GLIS3: variants seen among roughly 807,000 people sequenced by gnomAD.
The protein encoded by GLIS3 is zinc finger protein GLIS3.
GLIS3 carries 53 observed loss-of-function variants against 78.6 expected under a neutral mutation model. The observed-to-expected ratio is 0.67, with a 90% CI of 0.54 to 0.85. The LOEUF is 0.85. Ranked by LOEUF, GLIS3 falls within the 40% of genes least tolerant of loss-of-function variation. GLIS3 has a pLI of 0.00. For synonymous variants in GLIS3, 684 were observed against 509.9 expected (o/e 1.34, Z -4.60); for missense variants, 1,703 against 1,231.1 (o/e 1.38, Z -5.74).
chr9:4,337,124 T>G (rs965880050), intron 2 of GLIS3, among the ~76,000 whole-genome samples: 1 of 152,190 alleles, frequency 6.6e-6, no homozygotes, highest in African/African-American at 2.4e-5. Context: ...CACAAACAAA[T>G]TGGTACAACT....
At chr9:4,158,594 C>T (rs1437795350) in intron 2 of GLIS3, among the ~76,000 whole-genome samples, 3 of 152,200 alleles carry the variant, frequency 2.0e-5, no homozygotes, top group Non-Finnish European at 4.4e-5. Context: ...TTTCCTATAG[C>T]ACTTTGTTAA....
At chr9:4,156,838 C>T (rs1349073542) in intron 2 of GLIS3, among the ~76,000 whole-genome samples, 1 of 152,132 alleles carries the variant, frequency 6.6e-6, no homozygotes, top group Admixed American at 6.6e-5. Context: ...AAAAAATGCC[C>T]TCTCCCAGCT....
rs186699379 is a variant in GLIS3 at position 3,908,788 on chromosome 9, C to G, written c.1984-9953G>C. Among the ~76,000 whole-genome samples, 284 of 121,286 alleles carry G rather than the reference C, an allele frequency of 2.3e-3. 2 individuals are homozygous for G. The highest frequency in any genetic ancestry group is 8.9e-3 in the African/African-American group (276 of 31,148). The allele number at this position is 121,286 out of a possible 152,430, so 79.6% of individuals were successfully genotyped here. A position where few individuals can be genotyped will look rare whatever the true frequency, so the allele number is the denominator to read the frequency against. ...TGTAACAAGAGATGGAAATTTTACT[C>G]CCGTCATTTTCTCATTTCAGATATG... On this transcript the variant is annotated intron_variant, in intron 6 of 10. Coordinates refer to ENST00000381971, the MANE Select transcript of GLIS3 (RefSeq NM_001042413.2).
At chr9:4,055,657 G>C (rs1175401356) in intron 4 of GLIS3, among the ~76,000 whole-genome samples, 2 of 152,198 alleles carry the variant, frequency 1.3e-5, no homozygotes. Context: ...GAGGAAACGA[G>C]GAATGATGGT....
At chr9:4,209,620 A>G (rs1428553247) in intron 2 of GLIS3, among the ~76,000 whole-genome samples, 1 of 152,216 alleles carries the variant, frequency 6.6e-6, no homozygotes, top group Non-Finnish European at 1.5e-5. Flanking sequence ...TGTTAATGAT[A>G]GCACTTGTCA....
At chr9:4,368,988 AATG>A in the GLIS3 span, among the ~76,000 whole-genome samples, 7 of 152,172 alleles carry the variant, frequency 4.6e-5, no homozygotes, top group Non-Finnish European at 8.8e-5. Context: ...TGGGAAAAAG[AATG>A]ATGTTTTCTT....
At chr9:4,465,084 C>T in the GLIS3 span, among the ~76,000 whole-genome samples, 6 of 152,378 alleles carry the variant, frequency 3.9e-5, no homozygotes, top group East Asian at 9.6e-4. Flanking sequence ...TAACCTACAG[C>T]ATTACCAGAA....
intron 9 of GLIS3, among the ~76,000 whole-genome samples, chr9:3,847,295 G>A (rs1226272747): frequency 6.6e-6 from 1 of 152,224 alleles, no homozygotes; most frequent in Non-Finnish European, 1.5e-5. Context: ...AAACTTGTCT[G>A]TAAGTCACAA....
chr9:4,382,987 T>C, the GLIS3 span, among the ~76,000 whole-genome samples: 1 of 152,206 alleles, frequency 6.6e-6, no homozygotes, highest in Non-Finnish European at 1.5e-5. Context: ...CTTGAATCCA[T>C]CTTCCCATCT....
chr9:4,404,452 T>C, the GLIS3 span, among the ~76,000 whole-genome samples: 2 of 152,206 alleles, frequency 1.3e-5, no homozygotes, highest in Non-Finnish European at 2.9e-5. Flanking sequence ...TTCTCAAGAA[T>C]AGACCATATG....
At position 4,298,329 on chromosome 9, in the gene GLIS3, G is replaced by C. The variant is rs926845666; in HGVS notation, c.-99+1092C>G. 3 of 455,562 alleles carry C rather than the reference G, an allele frequency of 6.6e-6. No homozygotes were observed. The East Asian group carries it at 2.1e-4, about 32-fold the overall frequency. The allele number at this position is 455,562 out of a possible 1,614,324, so 28.2% of individuals were successfully genotyped here. On this transcript the variant is annotated intron_variant, in intron 1 of 10. Transcript: ENST00000381971. Reference sequence around the variant, plus strand: ...CCTCCCAAACACCTCCAGCAAGTCGGAGGGCGCGAACGCGGAGCCAGAAAC... The same window carrying C: ...CCTCCCAAACACCTCCAGCAAGTCGCAGGGCGCGAACGCGGAGCCAGAAAC...
At chr9:4,480,859 C>T in the GLIS3 span, among the ~76,000 whole-genome samples, 6 of 148,710 alleles carry the variant, frequency 4.0e-5, no homozygotes, top group African/African-American at 1.5e-4. Flanking sequence ...AACCCACCTA[C>T]TGGTTTTTTT....
chr9:4,192,716 G>A (rs1347063339), intron 2 of GLIS3, among the ~76,000 whole-genome samples: 1 of 151,058 alleles, frequency 6.6e-6, no homozygotes, highest in Non-Finnish European at 1.5e-5. Flanking sequence ...GAAATGATAA[G>A]AACACAGAAT....
At chr9:4,380,589 C>A in the GLIS3 span, among the ~76,000 whole-genome samples, 2 of 152,162 alleles carry the variant, frequency 1.3e-5, no homozygotes, top group Non-Finnish European at 2.9e-5. Flanking sequence ...GGCCTCACAC[C>A]AGAGATTCTG....
chr9:3,869,631 G>GAATTGTTGCTTTCTGGAAA (rs1820846105), intron 8 of GLIS3, among the ~76,000 whole-genome samples: 1 of 152,154 alleles, frequency 6.6e-6, no homozygotes, highest in Non-Finnish European at 1.5e-5. Flanking sequence ...TAAATCAAGG[G>GAATTGTTGCTTTCTGGAAA]AATTGTTGCT....
chr9:4,032,693 C>A (rs16920433), intron 4 of GLIS3, among the ~76,000 whole-genome samples: 19,208 of 152,068 alleles, frequency 0.13, 1,414 homozygotes, highest in African/African-American at 0.19. Flanking sequence ...TTTTCCAGCC[C>A]GGGGCAAGTA....
chr9:4,488,942 C>G, the GLIS3 span, among the ~76,000 whole-genome samples: 1 of 152,048 alleles, frequency 6.6e-6, no homozygotes, highest in African/African-American at 2.4e-5. Flanking sequence ...TCTCAGCTTA[C>G]TGCAATCTCC....
Position 4,318,431 on chromosome 9 carries a change from A to G in GLIS3, n.265-7903T>C, listed in dbSNP as rs77216073. ...GGCTGATTCCAGGACTAGGGCAGGG[A>G]AAGTACAAAGCGAGCCGTAAGCATC... On this transcript the variant is annotated intron_variant and non_coding_transcript_variant, in intron 2 of 4. Transcript: ENST00000471664. Among the ~76,000 whole-genome samples, 114 of 152,308 alleles carry G rather than the reference A, an allele frequency of 7.5e-4. No individual in the cohort carries two copies. In the East Asian group the frequency reaches 0.01, roughly 13 times the overall value.
chr9:4,416,223 G>A, the GLIS3 span, among the ~76,000 whole-genome samples: 2 of 122,096 alleles, frequency 1.6e-5, no homozygotes, highest in African/African-American at 6.3e-5. Flanking sequence ...CTGTACTCTG[G>A]CCTGAGTGAG....
Sources: gnomAD v4.1 joint callset for allele counts (sites outside exome capture counted in the v4.1 genomes callset) on GRCh38, gnomAD v4.1.1 for gene constraint, MANE v1.5 for transcripts, NCBI Gene and HGNC (gene_info 2026-07-23, HGNC 2026-07-21) for gene names.